Variants in SSH2 observed in about 807,000 individuals in gnomAD.
SSH2 encodes the protein protein phosphatase Slingshot homolog 2.
In SSH2, 37 loss-of-function variants were observed where a neutral mutation model predicts 135.2. The ratio of observed to expected loss-of-function variants is 0.27; its 90% CI spans 0.21 to 0.36. The LOEUF (loss-of-function observed/expected upper bound fraction) is 0.36. SSH2 is among the 10% of genes least tolerant of loss of function. The pLI, the probability that SSH2 is intolerant of heterozygous loss-of-function variation, is 1.00. For synonymous variants in SSH2, 628 were observed against 646.2 expected, an observed-to-expected ratio of 0.97 and a Z score of 0.43; for missense variants, 1,408 against 1,765.3, an observed-to-expected ratio of 0.80 and a Z score of 3.63.
At chr17:29,911,165 G>A (rs1599181268) in intron 1 of SSH2, among the ~76,000 whole-genome samples, 3 of 152,134 alleles carry the variant, frequency 2.0e-5, no homozygotes, top group South Asian at 2.1e-4. Flanking sequence ...CTGAATATGC[G>A]CTGGGTAGAA....
chr17:29,730,452 T>G (rs1567924135), intron 3 of SSH2, among the ~76,000 whole-genome samples: 1 of 148,746 alleles, frequency 6.7e-6, no homozygotes, highest in African/African-American at 2.5e-5. Flanking sequence ...TTTTTTTTTT[T>G]GGAGACAAGG....
intron 8 of SSH2, 107 bp from the exon 9 acceptor site, chr17:29,672,236 C>A (rs999524525): frequency 1.3e-6 from 1 of 791,400 alleles, no homozygotes; most frequent in Non-Finnish European, 2.0e-6. Flanking sequence ...AGAATTTGTC[C>A]TCTGGACAAT....
intron 1 of SSH2, among the ~76,000 whole-genome samples, chr17:29,909,286 C>CA (rs1485073098): frequency 1.3e-5 from 2 of 151,888 alleles, no homozygotes; most frequent in African/African-American, 4.8e-5. Flanking sequence ...TTTTTACTAA[C>CA]AAACAATATT....
intron 5 of SSH2, among the ~76,000 whole-genome samples, chr17:29,689,637 T>C (rs1349060843): frequency 2.6e-5 from 4 of 152,170 alleles, no homozygotes; most frequent in African/African-American, 7.2e-5. Context: ...TACAGGTGAA[T>C]TGGATCCAGC....
chr17:29,767,322 C>T (rs1567961415), intron 3 of SSH2, among the ~76,000 whole-genome samples: 1 of 151,538 alleles, frequency 6.6e-6, no homozygotes, highest in Non-Finnish European at 1.5e-5. Flanking sequence ...ACACACTTTA[C>T]AAAACATTTA....
chr17:29,743,024 C>T (rs1035875029), intron 3 of SSH2, among the ~76,000 whole-genome samples: 1 of 152,108 alleles, frequency 6.6e-6, no homozygotes, highest in Non-Finnish European at 1.5e-5. Flanking sequence ...CTCCACCTCC[C>T]GGGTTCAAGG....
chr17:29,749,796 G>A lies in SSH2; in HGVS notation c.188+44098C>T, dbSNP rs138917989. 4.9e-4 allele frequency among the ~76,000 whole-genome samples: 75 copies of A among 152,084 alleles called. 1 individual carries two copies. The highest frequency in any genetic ancestry group is 1.7e-3 in the African/African-American group (69 of 41,486). On this transcript the variant is annotated intron_variant, in intron 3 of 15. Coordinates refer to ENST00000540801, the MANE Select transcript of SSH2 (RefSeq NM_001282129.2). ...GGCTGGAGTACAGTGGCATGATCTC[G>A]GCTCACTGCAATCTCTGCCTCCTGG...
At chr17:29,735,025 G>A (rs1413626238) in intron 3 of SSH2, among the ~76,000 whole-genome samples, 5 of 152,076 alleles carry the variant, frequency 3.3e-5, no homozygotes, top group African/African-American at 1.2e-4. Flanking sequence ...CAAAATTGGG[G>A]GTGGGGGAGA....
At position 29,811,685 on chromosome 17, in the gene SSH2, C is replaced by T. The variant is rs2042445160; in HGVS notation, c.145-17748G>A. ...CTGGGCTCAAGTGATCCTTCCACCT[C>T]AGCCTCCCAACTAGCTGGGACTACA... is the stretch of plus-strand genomic sequence containing the variant. On this transcript the variant is annotated intron_variant, in intron 2 of 15. Transcript: ENST00000540801. 2.0e-5 allele frequency among the ~76,000 whole-genome samples: 3 copies of T among 152,172 alleles called. No individual in the cohort carries two copies. The South Asian group carries it at 6.2e-4, about 32-fold the overall frequency.
intron 2 of SSH2, among the ~76,000 whole-genome samples, chr17:29,800,872 TTC>T (rs1277084621): frequency 4.1e-5 from 6 of 145,498 alleles, no homozygotes; most frequent in African/African-American, 1.7e-4. Context: ...CTTTTTTTTT[TTC>T]TTTTTTTTTG....
At chr17:29,751,511 C>T (rs1200624246) in intron 3 of SSH2, among the ~76,000 whole-genome samples, 1 of 152,142 alleles carries the variant, frequency 6.6e-6, no homozygotes, top group Admixed American at 6.5e-5. Context: ...AACGCAGTCG[C>T]TTATTATCAA....
chr17:29,919,586 C>G (rs1025873345), intron 1 of SSH2, among the ~76,000 whole-genome samples: 6 of 152,150 alleles, frequency 3.9e-5, no homozygotes, highest in African/African-American at 1.4e-4. Context: ...CAAAATAGCA[C>G]TCACTAAATA....
intron 2 of SSH2, among the ~76,000 whole-genome samples, chr17:29,840,463 A>G (rs2043020463): frequency 6.6e-6 from 1 of 152,232 alleles, no homozygotes; most frequent in Non-Finnish European, 1.5e-5. Context: ...CACTGTGCTA[A>G]GAGCTATTGA....
intron 1 of SSH2, among the ~76,000 whole-genome samples, chr17:29,884,988 T>C (rs2066207774): frequency 6.6e-6 from 1 of 152,216 alleles, no homozygotes; most frequent in Admixed American, 6.5e-5. Context: ...TATTCCTGGG[T>C]CAATCTGCAT....
At chr17:29,649,202 C>T (rs563861481) in intron 13 of SSH2, among the ~76,000 whole-genome samples, 2 of 152,068 alleles carry the variant, frequency 1.3e-5, no homozygotes, top group South Asian at 2.1e-4. Context: ...AAGAGATACA[C>T]ACCCTTAGGT....
chr17:29,898,632 T>C (rs1281689737), intron 1 of SSH2, among the ~76,000 whole-genome samples: 5 of 152,168 alleles, frequency 3.3e-5, no homozygotes, highest in Admixed American at 2.0e-4. Context: ...ATTGAGGCAA[T>C]AATTAATAGC....
At chr17:29,886,817 G>A (rs1209453552) in intron 1 of SSH2, among the ~76,000 whole-genome samples, 2 of 151,958 alleles carry the variant, frequency 1.3e-5, no homozygotes, top group Admixed American at 6.6e-5. Context: ...CCATTTTCTG[G>A]GGAGAAATTC....
chr17:29,774,038 A>G (rs891808446), intron 3 of SSH2, among the ~76,000 whole-genome samples: 1 of 152,238 alleles, frequency 6.6e-6, no homozygotes, highest in African/African-American at 2.4e-5. Flanking sequence ...ACATAAACAT[A>G]TGCATAAGGA....
chr17:29,701,408 T>A (rs1372661599), intron 4 of SSH2, among the ~76,000 whole-genome samples: 1 of 141,136 alleles, frequency 7.1e-6, no homozygotes, highest in South Asian at 2.2e-4. Flanking sequence ...CTGGCTCTTT[T>A]TTTTTTTTTT....
Sources: allele counts gnomAD v4.1 joint callset (sites outside exome capture counted in the v4.1 genomes callset), GRCh38; gene constraint gnomAD v4.1.1; transcripts MANE v1.5; gene names NCBI Gene and HGNC (gene_info 2026-07-23, HGNC 2026-07-21).